The following JAK2 variants were observed in gnomAD, a reference collection of about 807,000 sequenced individuals.
JAK2 encodes the protein tyrosine-protein kinase JAK2.
In JAK2, 86 loss-of-function variants were observed where a neutral mutation model predicts 139.3. The observed-to-expected ratio is 0.62, with a 90% CI of 0.52 to 0.74. The LOEUF is 0.74. Among genes scored for constraint, JAK2 ranks in the 30% least tolerant of loss-of-function variants. JAK2 has a pLI of 0.00. For synonymous variants in JAK2, 490 were observed against 437.7 expected (o/e 1.12, Z -1.49); for missense variants, 1,421 against 1,360.3 (o/e 1.04, Z -0.70).
chr9:5,011,468 G>A (rs1286394930), intron 2 of JAK2, among the ~76,000 whole-genome samples: 1 of 152,182 alleles, frequency 6.6e-6, no homozygotes, highest in African/African-American at 2.4e-5. Flanking sequence ...GGGATTAAAG[G>A]CATGAGCCAT....
intron 4 of JAK2, chr9:5,041,901 G>A (rs555025966): frequency 2.1e-4 from 84 of 409,614 alleles, no homozygotes; most frequent in African/African-American, 1.4e-3. Flanking sequence ...CGCCTGCAGA[G>A]ATGGAGGTGG....
At chr9:5,123,796 C>T (rs1432811744) in intron 23 of JAK2, among the ~76,000 whole-genome samples, 1 of 151,920 alleles carries the variant, frequency 6.6e-6, no homozygotes, top group Non-Finnish European at 1.5e-5. Flanking sequence ...CTTTTCTCCA[C>T]ACCCTTGCCA....
intron 3 of JAK2, among the ~76,000 whole-genome samples, chr9:5,027,983 C>G (rs536085526): frequency 6.6e-6 from 1 of 152,294 alleles, no homozygotes; most frequent in African/African-American, 2.4e-5. Context: ...TTCCAAACTC[C>G]TGTTAATGTT....
chr9:5,053,714 G>T (rs1817573467), intron 6 of JAK2, among the ~76,000 whole-genome samples: 1 of 151,902 alleles, frequency 6.6e-6, no homozygotes, highest in Admixed American at 6.6e-5. Context: ...GGAAATGTGG[G>T]ATTAAGAGAT....
chr9:4,991,627 A>G (rs1263558404), intron 2 of JAK2, among the ~76,000 whole-genome samples: 1 of 152,224 alleles, frequency 6.6e-6, no homozygotes, highest in African/African-American at 2.4e-5. Context: ...AAATGTGTAT[A>G]AAGTTTAAAA....
chr9:4,999,048 A>G (rs1369202562), intron 2 of JAK2, among the ~76,000 whole-genome samples: 2 of 151,642 alleles, frequency 1.3e-5, no homozygotes, highest in Admixed American at 6.6e-5. Flanking sequence ...GATGGTCTCG[A>G]TCTCCTGACC....
chr9:5,057,939 A>T (rs1817882690), intron 8 of JAK2, among the ~76,000 whole-genome samples: 1 of 152,130 alleles, frequency 6.6e-6, no homozygotes, highest in African/African-American at 2.4e-5. Context: ...AAGCAGGCTG[A>T]AACAATACTG....
chr9:5,023,453 G>A (rs1325934412), intron 3 of JAK2, among the ~76,000 whole-genome samples: 7 of 152,098 alleles, frequency 4.6e-5, no homozygotes, highest in Admixed American at 4.6e-4. Flanking sequence ...GTGGGACCCA[G>A]TGTGAACTTC....
At chr9:5,084,623 T>G (rs1189159040) in intron 19 of JAK2, among the ~76,000 whole-genome samples, 3 of 152,174 alleles carry the variant, frequency 2.0e-5, no homozygotes, top group Non-Finnish European at 4.4e-5. Flanking sequence ...CTATTTGAAA[T>G]CTAGAGTGTT....
chr9:5,099,152 T>G (rs1319172006), intron 22 of JAK2: 4 of 152,244 alleles, frequency 2.6e-5, no homozygotes, highest in Non-Finnish European at 5.9e-5. Context: ...ATCCCCTTAT[T>G]AGGCCTCAAA....
At chr9:5,060,185 G>T (rs1357500029) in intron 8 of JAK2, among the ~76,000 whole-genome samples, 2 of 152,208 alleles carry the variant, frequency 1.3e-5, no homozygotes, top group Non-Finnish European at 2.9e-5. Flanking sequence ...TGAGCCTCCA[G>T]AGAGTTATAA....
At position 5,121,369 on chromosome 9, in the gene JAK2, G is replaced by T. The variant is rs550488771; in HGVS notation, c.3060-1635G>T. ...AGTCCTCAAGTAAGAAGACTTGACA[G>T]CACTATTTGCCACATACGTAGTTTA... On this transcript the variant is annotated intron_variant, in intron 22 of 24. Transcript: ENST00000381652. 9.2e-5 allele frequency among the ~76,000 whole-genome samples: 14 copies of T among 152,282 alleles called. No homozygotes were observed. In the South Asian group the frequency reaches 2.9e-3, roughly 32 times the overall value.
chr9:4,986,170 T>C (rs1369740414), intron 2 of JAK2, 148 bp downstream of exon 2: 1 of 152,372 alleles, frequency 6.6e-6, no homozygotes, highest in African/African-American at 2.4e-5. Context: ...ACTTTTAATG[T>C]TGATCTGGGA....
chr9:5,008,613 G>A (rs1821479143), intron 2 of JAK2, among the ~76,000 whole-genome samples: 1 of 152,134 alleles, frequency 6.6e-6, no homozygotes, highest in African/African-American at 2.4e-5. Flanking sequence ...TATATGTGTG[G>A]GTAAAAGCTC....
Position 5,012,801 on chromosome 9 carries a change from G to A in JAK2, c.-25-9162G>A, listed in dbSNP as rs555816145. 2.0e-5 allele frequency among the ~76,000 whole-genome samples: 3 copies of A among 152,268 alleles called. No individual in the cohort carries two copies. The East Asian group carries it at 5.8e-4, about 29-fold the overall frequency. On this transcript the variant is annotated intron_variant, in intron 2 of 24. Coordinates refer to ENST00000381652, the MANE Select transcript of JAK2 (RefSeq NM_004972.4). Reference sequence around the variant, plus strand: ...ATAGCAAGAGTTGTATGATGAGGTTGGAGAGGTAAGCAGCAAACAGATAAT... The same window carrying A: ...ATAGCAAGAGTTGTATGATGAGGTTAGAGAGGTAAGCAGCAAACAGATAAT...
At chr9:5,107,431 G>A (rs973082643) in intron 22 of JAK2, among the ~76,000 whole-genome samples, 2 of 151,984 alleles carry the variant, frequency 1.3e-5, no homozygotes, top group African/African-American at 4.8e-5. Flanking sequence ...CTTAGAAATC[G>A]CTCTAATACT....
In JAK2 at chr9:5,092,639, C is replaced by G. The variant is rs186738535; in HGVS notation, c.3059+1728C>G. ...ACTGAGCAAAGACAAGCCCTTATAC[C>G]TTCTGCATAAAGTATTAAGTAGAAA... On this transcript the variant is annotated intron_variant, in intron 22 of 24. Transcript: ENST00000381652. Among the ~76,000 whole-genome samples, 624 of 152,258 alleles carry G rather than the reference C, an allele frequency of 4.1e-3. 3 individuals carry two copies. Among genetic ancestry groups the G allele is most frequent in the African/African-American group, 0.014 (602 of 41,542 alleles).
chr9:5,023,300 C>CTT (rs1186713072), intron 3 of JAK2, among the ~76,000 whole-genome samples: 4 of 152,152 alleles, frequency 2.6e-5, no homozygotes, highest in African/African-American at 9.7e-5. Flanking sequence ...ACATAATGAC[C>CTT]TTCAGTTCCA....
intron 22 of JAK2, among the ~76,000 whole-genome samples, chr9:5,096,062 C>T (rs570028221): frequency 6.6e-6 from 1 of 152,150 alleles, no homozygotes; most frequent in African/African-American, 2.4e-5. Flanking sequence ...ATTACCCCAA[C>T]CATTATAGCT....
Sources: allele counts gnomAD v4.1 joint callset (sites outside exome capture counted in the v4.1 genomes callset), GRCh38; gene constraint gnomAD v4.1.1; transcripts MANE v1.5; gene names NCBI Gene and HGNC (gene_info 2026-07-23, HGNC 2026-07-21).